The following STAMBPL1 variants were observed in gnomAD, a reference collection of about 807,000 sequenced individuals.
STAMBPL1 encodes STAM binding protein like 1.
Under a neutral mutation model 52.9 loss-of-function variants are expected in STAMBPL1, and 44 were observed. The observed-to-expected ratio is 0.83, with a 90% CI of 0.65 to 1.07. The LOEUF (loss-of-function observed/expected upper bound fraction) is 1.07. Among genes scored for constraint, STAMBPL1 ranks in the 50% least tolerant of loss-of-function variants. The probability of loss-of-function intolerance (pLI) is 0.00; values close to 1 mark genes in which losing one functional copy is unlikely to be tolerated. For synonymous variants in STAMBPL1, 164 were observed against 177.3 expected, an observed-to-expected ratio of 0.92 and a Z score of 0.60; for missense variants, 511 against 520.8, an observed-to-expected ratio of 0.98 and a Z score of 0.18.
At chr10:88,887,521 T>C (rs1301303700) in intron 1 of STAMBPL1, among the ~76,000 whole-genome samples, 1 of 152,178 alleles carries the variant, frequency 6.6e-6, no homozygotes, top group Admixed American at 6.5e-5. Context: ...GGGTGGAGCC[T>C]GGCAGCCTTC....
chr10:88,922,060 A>G (rs1845525648), intron 9 of STAMBPL1, among the ~76,000 whole-genome samples: 1 of 152,130 alleles, frequency 6.6e-6, no homozygotes, highest in Non-Finnish European at 1.5e-5. Flanking sequence ...GAGACTCTCT[A>G]GTGGGGCTTT....
intron 8 of STAMBPL1, 110 bp downstream of exon 8, chr10:88,916,927 A>G: frequency 1.7e-6 from 2 of 1,176,538 alleles, no homozygotes; most frequent in Non-Finnish European, 2.3e-6. Flanking sequence ...TAATTTTTTC[A>G]AATGTAATAA....
chr10:88,881,365 G>A (rs1263737971), intron 1 of STAMBPL1, among the ~76,000 whole-genome samples: 5 of 151,992 alleles, frequency 3.3e-5, no homozygotes, highest in African/African-American at 1.2e-4. Context: ...TCAGGAAACG[G>A]AACCCAATCT....
intron 8 of STAMBPL1, among the ~76,000 whole-genome samples, chr10:88,918,445 C>T (rs1459993514): frequency 6.6e-6 from 1 of 152,096 alleles, no homozygotes; most frequent in Non-Finnish European, 1.5e-5. Context: ...CAGATTTCCT[C>T]ATTGACTGAG....
At chr10:88,920,861 T>A (rs1472864194) in intron 8 of STAMBPL1, among the ~76,000 whole-genome samples, 1 of 152,118 alleles carries the variant, frequency 6.6e-6, no homozygotes, top group African/African-American at 2.4e-5. Flanking sequence ...GTGCCCAGGG[T>A]TTCCAATCAC....
At chr10:88,904,719 T>C (rs1589366574) in intron 2 of STAMBPL1, among the ~76,000 whole-genome samples, 1 of 152,260 alleles carries the variant, frequency 6.6e-6, no homozygotes, top group Non-Finnish European at 1.5e-5. Flanking sequence ...AGTGTATAGA[T>C]GCTGTTTTTA....
At position 88,889,343 on chromosome 10, in the gene STAMBPL1, A is replaced by G. The variant is rs17113942; in HGVS notation, c.-54+8705A>G. 9.1e-3 allele frequency among the ~76,000 whole-genome samples: 1,385 copies of G among 152,326 alleles called. 37 individuals are homozygous for G. In the East Asian group the frequency reaches 0.11, roughly 12 times the overall value. The stretch of plus-strand genomic sequence containing the variant: ...TCCTCATCCATATTGAGTTGGACCA[A>G]TCATATACATTTTACCAATCAAATA... On this transcript the variant is annotated intron_variant, in intron 1 of 10. Transcript: ENST00000371926.
At position 88,923,204 on chromosome 10, in the gene STAMBPL1, A is replaced by G; in HGVS notation, c.1291A>G (p.Ile431Val). The change falls in exon 11 of 11, where the codon ATT becomes GTT. Residue 431 changes from isoleucine (I) to valine (V), a missense_variant. By Grantham distance (29) the Ile-to-Val change is conservative. This residue lies in a region of STAMBPL1 where 137 missense variants were observed against 139.9 expected (regional missense o/e 0.98). Coordinates refer to ENST00000371926, the MANE Select transcript of STAMBPL1 (RefSeq NM_020799.4). ...KHVLVKDIKI[I>V]VLDLR ...TGTGTTGGTAAAAGACATAAAAATA[A>G]TTGTGTTGGATCTGAGGTGATATGT... is the stretch of plus-strand genomic sequence containing the variant. The G allele has an allele frequency of 6.2e-7, 1 of 1,606,494 alleles. No individual in the cohort carries two copies. The highest frequency in any genetic ancestry group is 8.5e-7 in the Non-Finnish European group (1 of 1,178,296).
chr10:88,918,093 T>C (rs1156587601), intron 8 of STAMBPL1, among the ~76,000 whole-genome samples: 1 of 152,118 alleles, frequency 6.6e-6, no homozygotes, highest in East Asian at 1.9e-4. Context: ...AGTTTCATCG[T>C]GAATATTGGT....
chr10:88,914,934 G>A (rs190766954), intron 7 of STAMBPL1, among the ~76,000 whole-genome samples: 55 of 152,146 alleles, frequency 3.6e-4, no homozygotes, highest in Admixed American at 3.0e-3. Context: ...AAAATGGTAC[G>A]AAATATAGGT....
intron 1 of STAMBPL1, among the ~76,000 whole-genome samples, chr10:88,893,359 T>G (rs1167272430): frequency 1.3e-5 from 2 of 152,208 alleles, no homozygotes; most frequent in African/African-American, 2.4e-5. Context: ...AATTGAACTG[T>G]GTCTAGATAG....
chr10:88,921,365 T>C lies in STAMBPL1; in HGVS notation c.1124T>C (p.Ile375Thr). The change falls in exon 9 of 11, where the codon ATT (isoleucine) becomes ACT (threonine). Residue 375 changes from isoleucine to threonine, a missense_variant. Coordinates refer to ENST00000371926, the MANE Select transcript of STAMBPL1 (RefSeq NM_020799.4). ...TATCAACTCATGTTGCCAGAGGCCA[T>C]TGCCATTGTTTGCTCACCAAAGCAT... The part of the protein sequence containing the change: ...CSYQLMLPEA[I>T]AIVCSPKHKD... The C allele has an allele frequency of 6.2e-7, 1 of 1,613,280 alleles. No homozygotes were observed. Among genetic ancestry groups the C allele is most frequent in the Non-Finnish European group, 8.5e-7 (1 of 1,179,426 alleles).
Position 88,905,311 on chromosome 10 carries a change from A to G in STAMBPL1, c.31-132A>G. On this transcript the variant is annotated intron_variant, in intron 2 of 10. Coordinates refer to ENST00000371926, the MANE Select transcript of STAMBPL1 (RefSeq NM_020799.4). ...AAAAATGCTTTACTTTGATTATATC[A>G]TTAACTTATGAAAAGATTTCCTTAG... The G allele has an allele frequency of 4.2e-6, 3 of 708,964 alleles. No homozygotes were observed. The South Asian group carries it at 5.6e-5, about 13-fold the overall frequency. The allele number at this position is 708,964 out of a possible 1,614,324, so 43.9% of individuals were successfully genotyped here.
intron 4 of STAMBPL1, among the ~76,000 whole-genome samples, chr10:88,910,337 T>A (rs962751439): frequency 2.0e-5 from 3 of 152,120 alleles, no homozygotes; most frequent in African/African-American, 7.2e-5. Context: ...TATATAAGAA[T>A]TCCCAGATTT....
At chr10:88,889,310 T>G (rs1289999190) in intron 1 of STAMBPL1, among the ~76,000 whole-genome samples, 1 of 152,182 alleles carries the variant, frequency 6.6e-6, no homozygotes, top group East Asian at 1.9e-4. Context: ...AACTGACATT[T>G]TTTTCAATCC....
intron 4 of STAMBPL1, among the ~76,000 whole-genome samples, chr10:88,909,494 G>A (rs1845161488): frequency 1.3e-5 from 2 of 152,060 alleles, no homozygotes; most frequent in African/African-American, 4.8e-5. Context: ...AATAATTTTT[G>A]AAAAACACTT....
In STAMBPL1 at chr10:88,923,264, C is replaced by T. The variant is rs184125227; in HGVS notation, c.*40C>T. The T allele has an allele frequency of 8.1e-5, 126 of 1,553,548 alleles. No individual in the cohort carries two copies. The Admixed American group carries it at 1.4e-3, about 18-fold the overall frequency. On this transcript the variant is annotated 3_prime_UTR_variant, in exon 11 of 11. Coordinates refer to ENST00000371926, the MANE Select transcript of STAMBPL1 (RefSeq NM_020799.4). Reference sequence around the variant, plus strand: ...AAGCACCGTCAACATCAGACACCTACTCATGGACATGTGGTTGCCGGATTT... The same window carrying T: ...AAGCACCGTCAACATCAGACACCTATTCATGGACATGTGGTTGCCGGATTT...
chr10:88,908,277 C>A (rs778145901), intron 3 of STAMBPL1, among the ~76,000 whole-genome samples: 1 of 152,030 alleles, frequency 6.6e-6, no homozygotes. Flanking sequence ...TACACGATGG[C>A]GCTGCTGATT....
chr10:88,914,868 G>T (rs1589376619), intron 7 of STAMBPL1, among the ~76,000 whole-genome samples: 2 of 151,964 alleles, frequency 1.3e-5, no homozygotes, highest in Non-Finnish European at 2.9e-5. Context: ...AAATTTCAGA[G>T]ACACTATAAA....
Sources: gnomAD v4.1 joint callset for allele counts (sites outside exome capture counted in the v4.1 genomes callset) on GRCh38, gnomAD v4.1.1 for gene constraint, gnomAD v4.1.1 regional missense constraint, MANE v1.5 for transcripts, NCBI Gene and HGNC (gene_info 2026-07-23, HGNC 2026-07-21) for gene names.